HYDIN: variants seen among roughly 807,000 people sequenced by gnomAD.
HYDIN encodes HYDIN axonemal central pair apparatus protein.
In HYDIN, 132 loss-of-function variants were observed where a neutral mutation model predicts 403.9. The ratio of observed to expected loss-of-function variants is 0.33; its 90% CI spans 0.28 to 0.38. The LOEUF is 0.38. Among genes scored for constraint, HYDIN ranks in the 10% least tolerant of loss-of-function variants. HYDIN has a pLI of 1.00. For synonymous variants in HYDIN, 1,202 were observed against 1,891.7 expected (o/e 0.64, Z 9.46); for missense variants, 2,827 against 5,009.5 (o/e 0.56, Z 13.15).
rs555423904 is a variant in HYDIN, at chr16:71,004,093, T to C, written c.3645-11883A>G. On this transcript the variant is annotated intron_variant, in intron 23 of 85. Coordinates refer to ENST00000393567, the MANE Select transcript of HYDIN (RefSeq NM_001270974.2). The stretch of plus-strand genomic sequence containing the variant: ...ACTTTGGGAGGCTGAGGTGGGCAGA[T>C]CACCTGAGGTCAGGAGTTCAGGACC... Among the ~76,000 whole-genome samples, 59 of 151,734 alleles carry C rather than the reference T, an allele frequency of 3.9e-4. 1 individual carries two copies. The highest frequency in any genetic ancestry group is 1.4e-3 in the African/African-American group (57 of 41,284).
chr16:71,115,227 C>T lies in HYDIN; in HGVS notation c.1327+469G>A, dbSNP rs111708649. Among the ~76,000 whole-genome samples the T allele has an allele frequency of 8.6e-3, 1,312 of 152,078 alleles. 70 individuals are homozygous for T. The East Asian group carries it at 0.15, about 17-fold the overall frequency. The stretch of plus-strand genomic sequence containing the variant: ...TTTTGTGATAGTGAGTGAGTTCTCA[C>T]GAGATCTGATGGTTTTATAAGGGGC... On this transcript the variant is annotated intron_variant, in intron 10 of 85. Coordinates refer to ENST00000393567, the MANE Select transcript of HYDIN (RefSeq NM_001270974.2).
Position 71,064,824 on chromosome 16 carries a change from G to A in HYDIN, c.2092C>T (p.Leu698Phe), listed in dbSNP as rs1454334072. The change falls in exon 16 of 86, where the codon CTC (leucine) becomes TTC (phenylalanine). Residue 698 changes from leucine (L) to phenylalanine (F), a missense_variant. Transcript: ENST00000393567. ...TCCACCTCTGTATTGACCAGGTGGA[G>A]GGCAGGTACAACACACCTGCTCGGA... ...LITARCVVPA[L>F]HLVNTEVDFG... is the part of the protein sequence containing the mutation. 1.2e-6 allele frequency: 2 copies of A among 1,609,592 alleles called. No individual in the cohort carries two copies. The highest frequency in any genetic ancestry group is 1.7e-5 in the Admixed American group (1 of 59,236).
At chr16:71,227,991 CT>C (rs1336215125) in intron 1 of HYDIN, among the ~76,000 whole-genome samples, 9 of 152,060 alleles carry the variant, frequency 5.9e-5, no homozygotes, top group Admixed American at 2.0e-4. Flanking sequence ...GAACGGAGCC[CT>C]CAGAAATAAT....
intron 25 of HYDIN, among the ~76,000 whole-genome samples, chr16:70,989,137 C>T (rs1229912250): frequency 6.6e-6 from 1 of 152,120 alleles, no homozygotes; most frequent in Non-Finnish European, 1.5e-5. Context: ...GATCAGAGCT[C>T]ACTGCAGCCT....
chr16:71,090,443 G>C (rs1461136877), intron 11 of HYDIN: 1 of 151,926 alleles, frequency 6.6e-6, no homozygotes, highest in Non-Finnish European at 1.5e-5. Flanking sequence ...TTTTAGAATA[G>C]TGCTTGGCAA....
intron 6 of HYDIN, among the ~76,000 whole-genome samples, chr16:71,158,258 C>A (rs2144593491): frequency 6.6e-6 from 1 of 152,350 alleles, no homozygotes; most frequent in East Asian, 1.9e-4. Context: ...TCAGGCTTTA[C>A]TCCCTTCACA....
chr16:70,946,399 C>G (rs1485631189), intron 41 of HYDIN, among the ~76,000 whole-genome samples: 2 of 150,504 alleles, frequency 1.3e-5, no homozygotes, highest in African/African-American at 4.9e-5. Flanking sequence ...CAGAGCTGAG[C>G]CAGACCAAAG....
chr16:71,080,078 G>A (rs2082737970), intron 12 of HYDIN, 126 bp from the exon 13 acceptor site: 1 of 596,116 alleles, frequency 1.7e-6, no homozygotes, highest in Non-Finnish European at 3.0e-6. Flanking sequence ...TAGTATCCAG[G>A]ATTTAGAGAA....
chr16:70,978,585 G>A lies in HYDIN; in HGVS notation c.4638+329C>T, dbSNP rs568469923. Among the ~76,000 whole-genome samples the A allele has an allele frequency of 1.9e-3, 294 of 152,264 alleles. 1 individual carries two copies. The highest frequency in any genetic ancestry group is 3.5e-3 in the Admixed American group (54 of 15,302). ...TCAAAGCTCCACATGGCAGCCAGAG[G>A]GATCTCTTAAAGATGCAAAGTCGAT... On this transcript the variant is annotated intron_variant, in intron 30 of 85. Coordinates refer to ENST00000393567, the MANE Select transcript of HYDIN (RefSeq NM_001270974.2).
At chr16:70,810,475 ATTAG>A (rs1366757480) in intron 84 of HYDIN, among the ~76,000 whole-genome samples, 4 of 152,260 alleles carry the variant, frequency 2.6e-5, no homozygotes, top group African/African-American at 7.2e-5. Context: ...TTAGTAGAAG[ATTAG>A]TTAAACAAAT....
intron 45 of HYDIN, among the ~76,000 whole-genome samples, chr16:70,934,114 G>A (rs1453221155): frequency 6.6e-6 from 1 of 152,140 alleles, no homozygotes; most frequent in East Asian, 1.9e-4. Flanking sequence ...GCTCATGGAG[G>A]AGGACGTCAA....
chr16:70,957,525 C>T (rs933111519), intron 39 of HYDIN, among the ~76,000 whole-genome samples: 1 of 152,090 alleles, frequency 6.6e-6, no homozygotes, highest in African/African-American at 2.4e-5. Context: ...CAGGGTTTCA[C>T]CATGTTGGCC....
intron 53 of HYDIN, among the ~76,000 whole-genome samples, chr16:70,900,659 G>A (rs540471300): frequency 4.9e-4 from 73 of 149,908 alleles, no homozygotes; most frequent in African/African-American, 1.8e-3. Flanking sequence ...CTGGGTTTAG[G>A]AGTGTGAAAT....
chr16:70,915,307 C>T (rs1343646421), intron 47 of HYDIN, among the ~76,000 whole-genome samples: 2 of 152,118 alleles, frequency 1.3e-5, no homozygotes, highest in Non-Finnish European at 2.9e-5. Context: ...GGCTGTTGTT[C>T]AGATTCTTTT....
At chr16:71,061,203 A>G (rs1042206645) in intron 17 of HYDIN, among the ~76,000 whole-genome samples, 2 of 148,372 alleles carry the variant, frequency 1.3e-5, no homozygotes, top group African/African-American at 5.0e-5. Context: ...CTACCCTCTC[A>G]TGGGCTGCAT....
At chr16:70,906,128 G>A (rs529013282) in intron 50 of HYDIN, among the ~76,000 whole-genome samples, 1 of 151,944 alleles carries the variant, frequency 6.6e-6, no homozygotes, top group African/African-American at 2.4e-5. Flanking sequence ...CTGCCTATAT[G>A]ATAAGAAATT....
At chr16:70,825,039 G>T (rs2486991) in intron 83 of HYDIN, among the ~76,000 whole-genome samples, 2 of 151,164 alleles carry the variant, frequency 1.3e-5, no homozygotes, top group Admixed American at 6.6e-5. Flanking sequence ...GGATTACAGA[G>T]GTGAGCCACT....
chr16:70,938,711 G>C lies in HYDIN; in HGVS notation c.6898C>G (p.Gln2300Glu). ...TCATATTCTTCCTCATCCATGTTTT[G>C]GAGACGCTCCTTCTCTTTCTCAAGA... ...GALEKEKERL[Q>E]NMDEEEYDAL... The change falls in exon 44 of 86, where the codon CAA (glutamine) becomes GAA (glutamate). Residue 2300 changes from glutamine (Q) to glutamate (E), a missense_variant. Transcript: ENST00000393567. 6.2e-7 allele frequency: 1 copy of C among 1,614,140 alleles called. No homozygotes were observed. The highest frequency in any genetic ancestry group is 1.1e-5 in the South Asian group (1 of 91,084).
In HYDIN at chr16:71,208,672, A is replaced by T. The variant is rs1598034561; in HGVS notation, c.-23-21754T>A. ...TAGACCACCAGCTAGAAGAATGAAG[A>T]AGAAAAGAGAGAAGATCCAAATAAA... On this transcript the variant is annotated intron_variant, in intron 1 of 85. Coordinates refer to ENST00000393567, the MANE Select transcript of HYDIN (RefSeq NM_001270974.2). Among the ~76,000 whole-genome samples, 12 of 152,306 alleles carry T rather than the reference A, an allele frequency of 7.9e-5. No individual in the cohort carries two copies. In the South Asian group the frequency reaches 2.5e-3, roughly 32 times the overall value.
Sources: allele counts gnomAD v4.1 joint callset (sites outside exome capture counted in the v4.1 genomes callset), GRCh38; gene constraint gnomAD v4.1.1; transcripts MANE v1.5; gene names NCBI Gene and HGNC (gene_info 2026-07-23, HGNC 2026-07-21).